The following MINAR1 variants were observed in gnomAD, a reference collection of about 807,000 sequenced individuals.
The protein encoded by MINAR1 is membrane integral NOTCH2 associated receptor 1.
A neutral mutation model predicts 65.1 loss-of-function variants in MINAR1; 40 were observed. The ratio of observed to expected loss-of-function variants is 0.61; its 90% confidence interval spans 0.48 to 0.80. The LOEUF (loss-of-function observed/expected upper bound fraction) is 0.80. Ranked by LOEUF, MINAR1 falls within the 30% of genes least tolerant of loss-of-function variation. MINAR1 has a pLI of 0.00. For synonymous variants in MINAR1, 482 were observed against 449.1 expected (o/e 1.07, Z -0.93); for missense variants, 1,128 against 1,148.0 (o/e 0.98, Z 0.25).
rs1436839760 is a variant in MINAR1, at chr15:79,456,843, C to T, written c.696C>T (p.Pro232=). ...CCATTTCAGACCAGGACTCCCTGCCCATCAATCAGAGCATCAAGGAGACCT... is the reference window on the plus strand; with the variant it reads ...CCATTTCAGACCAGGACTCCCTGCCTATCAATCAGAGCATCAAGGAGACCT... ...NESISDQDSL[P]INQSIKETFI... is the part of the protein sequence containing the mutation. The change falls in exon 2 of 4, where the codon CCC becomes CCT. Residue 232 remains proline (P), a synonymous_variant. Transcript: ENST00000305428. The T allele has an allele frequency of 6.2e-7, 1 of 1,614,156 alleles. No individual in the cohort carries two copies. Among genetic ancestry groups the T allele is most frequent in the South Asian group, 1.1e-5 (1 of 91,076 alleles).
At chr15:79,428,786 G>T (rs535051052), upstream of MINAR1, among the ~76,000 whole-genome samples, 1 of 152,122 alleles carries the variant, frequency 6.6e-6, no homozygotes, top group African/African-American at 2.4e-5. Flanking sequence ...TTTTCTAATA[G>T]TTCAATACAT....
At chr15:79,442,752 CTTGT>C (rs1430104945) in intron 1 of MINAR1, among the ~76,000 whole-genome samples, 1 of 151,080 alleles carries the variant, frequency 6.6e-6, no homozygotes, top group Admixed American at 6.6e-5. Flanking sequence ...TAAATTGGAA[CTTGT>C]TTATCTAGTG....
chr15:79,452,124 C>A (rs1895224723), intron 1 of MINAR1, among the ~76,000 whole-genome samples: 1 of 151,964 alleles, frequency 6.6e-6, no homozygotes, highest in Non-Finnish European at 1.5e-5. Flanking sequence ...TGTGTGTACA[C>A]ATGGGTGTGT....
the MINAR1 span, chr15:79,426,082 G>T: frequency 6.6e-6 from 1 of 152,236 alleles, no homozygotes; most frequent in African/African-American, 2.4e-5. Flanking sequence ...GAGAGTGAAG[G>T]AATCTACTGA....
upstream of MINAR1, among the ~76,000 whole-genome samples, chr15:79,432,251 GCCC>G (rs1278209741): frequency 6.6e-6 from 1 of 152,120 alleles, no homozygotes; most frequent in African/African-American, 2.4e-5. Flanking sequence ...GAGTCCGAGC[GCCC>G]CCTTCAGCCG....
chr15:79,454,792 T>C (rs927937362), intron 1 of MINAR1, among the ~76,000 whole-genome samples: 5 of 152,214 alleles, frequency 3.3e-5, no homozygotes, highest in African/African-American at 7.2e-5. Context: ...ATGAGGAAAC[T>C]TTCTGGGGCA....
At chr15:79,413,505 C>T in the MINAR1 span, 1 of 152,222 alleles carries the variant, frequency 6.6e-6, no homozygotes, top group South Asian at 2.1e-4. Flanking sequence ...GAAATAATCA[C>T]CTTCTTAAAA....
the MINAR1 span, chr15:79,420,219 T>C: frequency 6.6e-6 from 1 of 152,218 alleles, no homozygotes; most frequent in Non-Finnish European, 1.5e-5. Context: ...GAATGTTATA[T>C]CCATTAGATT....
At chr15:79,462,945 G>C (rs10519241) in intron 2 of MINAR1, 122 bp from the exon 3 acceptor site, 64,987 of 1,021,828 alleles carry the variant, frequency 0.064, 3,277 homozygotes, top group East Asian at 0.3. Context: ...TTTTGATTTG[G>C]CTGGAAGTAA....
Position 79,457,277 on chromosome 15 carries a change from C to T in MINAR1, c.1130C>T (p.Pro377Leu). The stretch of plus-strand genomic sequence containing the variant: ...TGGAGCCTAAACACAGAGGAAGTTC[C>T]TGACTTTGAACGGTCCTTTTTCAAT... The part of the protein sequence containing the change: ...KSWSLNTEEV[P>L]DFERSFFNRN... Residue 377 changes from proline (P) to leucine (L), a missense_variant, in exon 2 of 4, where the codon CCT (proline) becomes CTT (leucine). By Grantham distance (98) the Pro-to-Leu change is moderately conservative. Coordinates refer to ENST00000305428, the MANE Select transcript of MINAR1 (RefSeq NM_015206.3). The T allele has an allele frequency of 6.2e-7, 1 of 1,614,188 alleles. No individual in the cohort carries two copies. Among genetic ancestry groups the T allele is most frequent in the South Asian group, 1.1e-5 (1 of 91,082 alleles).
chr15:79,463,161 A>AC lies in MINAR1; in HGVS notation c.2396dup (p.Ala800CysfsTer34). 6.2e-7 allele frequency: 1 copy of AC among 1,613,976 alleles called. No homozygotes were observed. Among genetic ancestry groups the AC allele is most frequent in the African/African-American group, 1.3e-5 (1 of 74,972 alleles). ...GAGCAGGTGTTCAGCCCTCACCCCT[A>AC]CCCTGCCTCCCTCAAGGCCCACATG... On this transcript the variant is annotated frameshift_variant, in exon 3 of 4. Transcript: ENST00000305428. LOFTEE classifies it high-confidence loss of function.
chr15:79,452,240 GTGTA>G (rs1595942122), intron 1 of MINAR1, among the ~76,000 whole-genome samples: 1 of 151,706 alleles, frequency 6.6e-6, no homozygotes, highest in African/African-American at 2.4e-5. Flanking sequence ...AATGTGTTGT[GTGTA>G]TGTGCATGAG....
At chr15:79,419,048 A>G in the MINAR1 span, 61,602 of 152,092 alleles carry the variant, frequency 0.41, 12,852 homozygotes, top group South Asian at 0.54. Context: ...TTAATTCTAA[A>G]GGAACACATC....
chr15:79,429,463 A>G (rs1894390324), upstream of MINAR1, among the ~76,000 whole-genome samples: 1 of 152,228 alleles, frequency 6.6e-6, no homozygotes, highest in South Asian at 2.1e-4. Flanking sequence ...TTGGGTTTTC[A>G]CACCATTGCC....
chr15:79,452,556 GTC>G (rs201619024), intron 1 of MINAR1, among the ~76,000 whole-genome samples: 3,045 of 150,238 alleles, frequency 0.02, 35 homozygotes, highest in Non-Finnish European at 0.031. Flanking sequence ...GTGTGGGTGA[GTC>G]TGTGTGTGTG....
In MINAR1 at chr15:79,445,183, TATAATA is replaced by T. The variant is rs3040492; in HGVS notation, c.-50-10909_-50-10904del. Among the ~76,000 whole-genome samples the T allele has an allele frequency of 6.1e-3, 921 of 152,192 alleles. 36 individuals are homozygous for T. The East Asian group carries it at 0.11, about 18-fold the overall frequency. On this transcript the variant is annotated intron_variant, in intron 1 of 3. Transcript: ENST00000305428. ...TTAATATCTTTATTATTTATGTTAA[TATAATA>T]ATAATGTTATAGCTCACACTTATTA...
chr15:79,463,813 T>C (rs1316491761), intron 3 of MINAR1: 5 of 451,428 alleles, frequency 1.1e-5, no homozygotes, highest in African/African-American at 6.0e-5. Context: ...GGAGGGCATG[T>C]TTTTTGTTCA....
the MINAR1 span, chr15:79,416,749 C>T: frequency 1.3e-5 from 2 of 152,272 alleles, no homozygotes; most frequent in East Asian, 1.9e-4. Context: ...CGAGGCAGGC[C>T]GAGATCATGG....
chr15:79,446,147 C>A (rs948972437), intron 1 of MINAR1, among the ~76,000 whole-genome samples: 7 of 152,110 alleles, frequency 4.6e-5, no homozygotes, highest in African/African-American at 1.7e-4. Flanking sequence ...ATTCTTCCTG[C>A]TCTTTTAATA....
Sources: allele counts gnomAD v4.1 joint callset (sites outside exome capture counted in the v4.1 genomes callset), GRCh38; gene constraint gnomAD v4.1.1; transcripts MANE v1.5; gene names NCBI Gene and HGNC (gene_info 2026-07-23, HGNC 2026-07-21).